AMBRA1: variants seen among roughly 807,000 people sequenced by gnomAD.
AMBRA1 encodes autophagy and beclin 1 regulator 1, also known as activating molecule in BECN1-regulated autophagy protein 1.
Under a neutral mutation model 125.4 loss-of-function variants are expected in AMBRA1, and 47 were observed. That is an observed-to-expected ratio of 0.37 (90% confidence interval 0.30 to 0.48). The LOEUF (loss-of-function observed/expected upper bound fraction) is 0.48, where lower values mean the gene tolerates loss of function less well. Among genes scored for constraint, AMBRA1 ranks in the 20% least tolerant of loss-of-function variants. The probability of loss-of-function intolerance (pLI) is 0.99; values close to 1 mark genes in which losing one functional copy is unlikely to be tolerated. For missense variants in AMBRA1, 1,331 were observed against 1,693.4 expected (o/e 0.79, Z 3.76); for synonymous variants, 626 against 655.5 (o/e 0.95, Z 0.69).
intron 7 of AMBRA1, among the ~76,000 whole-genome samples, chr11:46,540,528 T>G (rs1484733735): frequency 6.6e-6 from 1 of 152,106 alleles, no homozygotes; most frequent in Middle Eastern, 3.2e-3. Context: ...ACCTCTCTAT[T>G]TTATTCATCT....
At chr11:46,443,967 C>A (rs1004378003) in intron 11 of AMBRA1, among the ~76,000 whole-genome samples, 1 of 152,128 alleles carries the variant, frequency 6.6e-6, no homozygotes, top group South Asian at 2.1e-4. Context: ...TGGGAAGACA[C>A]CATTAACACA....
intron 4 of AMBRA1, among the ~76,000 whole-genome samples, chr11:46,546,569 G>C (rs1489112816): frequency 6.6e-6 from 1 of 150,580 alleles, no homozygotes; most frequent in Non-Finnish European, 1.5e-5. Context: ...AGCAAAAGTA[G>C]ATGTTCATCT....
intron 11 of AMBRA1, among the ~76,000 whole-genome samples, chr11:46,479,959 G>A (rs1274852890): frequency 6.6e-6 from 1 of 152,130 alleles, no homozygotes; most frequent in Non-Finnish European, 1.5e-5. Context: ...GTGTTGGCTG[G>A]CCTGTGTTCG....
intron 7 of AMBRA1, among the ~76,000 whole-genome samples, chr11:46,524,974 TTC>T (rs1951905745): frequency 6.6e-6 from 1 of 152,232 alleles, no homozygotes; most frequent in South Asian, 2.1e-4. Context: ...ACTGAGTGCC[TTC>T]TGTTAGTTAT....
intron 11 of AMBRA1, among the ~76,000 whole-genome samples, chr11:46,453,012 A>G (rs1355695913): frequency 6.6e-6 from 1 of 152,180 alleles, no homozygotes; most frequent in Non-Finnish European, 1.5e-5. Flanking sequence ...CAGCAAATAA[A>G]TTTTACAACC....
intron 8 of AMBRA1, 37 bp from the exon 9 acceptor site, chr11:46,508,407 C>CTAATGTGGGGATA (rs751864172): frequency 5.5e-5 from 88 of 1,597,920 alleles, no homozygotes; most frequent in Non-Finnish European, 6.7e-5. Flanking sequence ...CAAACTAGCA[C>CTAATGTGGGGATA]TAATGTGGGG....
chr11:46,539,980 C>T (rs908524907), intron 7 of AMBRA1, among the ~76,000 whole-genome samples: 5 of 152,146 alleles, frequency 3.3e-5, no homozygotes, highest in South Asian at 2.1e-4. Flanking sequence ...TACAGGCCTG[C>T]GCCACCAAGC....
chr11:46,419,955 C>G (rs905768019), intron 14 of AMBRA1, among the ~76,000 whole-genome samples: 2 of 126,658 alleles, frequency 1.6e-5, no homozygotes, highest in Non-Finnish European at 3.3e-5. Context: ...TCTGACAGGA[C>G]AGCCTCCAGA....
chr11:46,409,294 G>C (rs1946174514), intron 16 of AMBRA1, among the ~76,000 whole-genome samples: 1 of 151,964 alleles, frequency 6.6e-6, no homozygotes, highest in Non-Finnish European at 1.5e-5. Flanking sequence ...TCTGCCTCCA[G>C]GATTCAAGCG....
chr11:46,435,012 G>A lies in AMBRA1; in HGVS notation c.2658C>T (p.Asn886=). Residue 886 remains asparagine (N), a synonymous_variant, in exon 13 of 18, where the codon AAC becomes AAT. Transcript: ENST00000683756. ...SNASVNVLVQ[N]CKIYNDASCD... ...AGCTGGCATCATTGTAGATCTTGCAGTTCTGCACCAGCACATTCACGGAAG... is the reference window on the plus strand; with the variant it reads ...AGCTGGCATCATTGTAGATCTTGCAATTCTGCACCAGCACATTCACGGAAG... The A allele has an allele frequency of 1.2e-6, 2 of 1,612,096 alleles. No homozygotes were observed. Among genetic ancestry groups the A allele is most frequent in the South Asian group, 1.1e-5 (1 of 90,708 alleles).
intron 14 of AMBRA1, among the ~76,000 whole-genome samples, chr11:46,427,444 A>C (rs1236946640): frequency 1.3e-5 from 2 of 152,238 alleles, no homozygotes; most frequent in African/African-American, 4.8e-5. Context: ...ACAAAAGCGG[A>C]AAGGATCAAG....
chr11:46,471,906 G>A (rs761544937), intron 11 of AMBRA1, among the ~76,000 whole-genome samples: 2 of 152,100 alleles, frequency 1.3e-5, no homozygotes, highest in Admixed American at 6.5e-5. Flanking sequence ...GATTACAGGC[G>A]TGAGCCACCG....
intron 7 of AMBRA1, among the ~76,000 whole-genome samples, chr11:46,532,168 G>A (rs1192729020): frequency 1.3e-5 from 2 of 152,046 alleles, no homozygotes; most frequent in Admixed American, 6.6e-5. Context: ...CTTATGAAGA[G>A]GCAAGAGATG....
intron 14 of AMBRA1, chr11:46,428,575 T>G: frequency 9.7e-7 from 1 of 1,030,536 alleles, no homozygotes; most frequent in Non-Finnish European, 1.4e-6. Flanking sequence ...TCTTTTCCAC[T>G]TCTTCTTCTT....
rs968064767 is a variant in AMBRA1, at chr11:46,442,383, T to C, written c.2632+1105A>G. Among the ~76,000 whole-genome samples the C allele has an allele frequency of 4.6e-5, 7 of 151,974 alleles. No individual in the cohort carries two copies. In the South Asian group the frequency reaches 1.5e-3, roughly 32 times the overall value. ...GTCTTGAACTCCTGGGATCACGTGA[T>C]CCTCCCAACTCAGCCTCCTAAAGTG... On this transcript the variant is annotated intron_variant, in intron 12 of 17. Coordinates refer to ENST00000683756, the MANE Select transcript of AMBRA1 (RefSeq NM_001387011.1).
At chr11:46,592,736 C>T (rs2044649353) in intron 1 of AMBRA1, among the ~76,000 whole-genome samples, 2 of 151,252 alleles carry the variant, frequency 1.3e-5, no homozygotes, top group Non-Finnish European at 1.5e-5. Context: ...CCAGTTTGGG[C>T]GACAGAGCTA....
At chr11:46,407,036 G>C (rs1034636997) in intron 17 of AMBRA1, among the ~76,000 whole-genome samples, 1 of 151,950 alleles carries the variant, frequency 6.6e-6, no homozygotes, top group Non-Finnish European at 1.5e-5. Context: ...GAAATTAGCC[G>C]GGAGTGGTGG....
intron 5 of AMBRA1, among the ~76,000 whole-genome samples, chr11:46,545,402 C>A (rs1310217892): frequency 6.6e-6 from 1 of 151,898 alleles, no homozygotes; most frequent in Non-Finnish European, 1.5e-5. Flanking sequence ...GCAGAGGTCG[C>A]AGTGAGACAA....
At chr11:46,506,457 T>A (rs1443826391) in intron 9 of AMBRA1, among the ~76,000 whole-genome samples, 3 of 152,228 alleles carry the variant, frequency 2.0e-5, no homozygotes, top group Non-Finnish European at 4.4e-5. Context: ...TTGTTCTCAC[T>A]TTCCTAGTCC....
Sources: allele counts gnomAD v4.1 joint callset (sites outside exome capture counted in the v4.1 genomes callset), GRCh38; gene constraint gnomAD v4.1.1; transcripts MANE v1.5; gene names NCBI Gene and HGNC (gene_info 2026-07-23, HGNC 2026-07-21).